Variants in MYLK4 observed in about 807,000 individuals in gnomAD.
MYLK4 encodes caMLCK like.
A neutral mutation model predicts 48.1 loss-of-function variants in MYLK4; 46 were observed. The ratio of observed to expected loss-of-function variants is 0.96; its 90% CI spans 0.75 to 1.22. The LOEUF is 1.22. Among genes scored for constraint, MYLK4 ranks in the 50% most tolerant of loss-of-function variants. MYLK4 has a pLI of 0.00. For missense variants in MYLK4, 451 were observed against 486.1 expected (o/e 0.93, Z 0.68); for synonymous variants, 170 against 180.8 (o/e 0.94, Z 0.48).
chr6:2,711,699 A>G (rs1762679450), intron 2 of MYLK4, among the ~76,000 whole-genome samples: 2 of 152,256 alleles, frequency 1.3e-5, no homozygotes, highest in Non-Finnish European at 2.9e-5. Context: ...TAAGAAGTGC[A>G]AAGATGTTTT....
chr6:2,749,036 C>A lies in MYLK4; in HGVS notation c.159+100G>T, dbSNP rs1440023693. 6 of 1,103,532 alleles carry A rather than the reference C, an allele frequency of 5.4e-6. No individual in the cohort carries two copies. In the Admixed American group the frequency reaches 6.6e-5, roughly 12 times the overall value. 68.4% of individuals were successfully genotyped at this position (1,103,532 alleles called of 1,614,324 possible). On this transcript the variant is annotated intron_variant, in intron 2 of 12. Transcript: ENST00000274643. ...GAAGCAAAGTGGAATGATGCCTATTCATAAACTTTCCTTAATTGTACTCAC... is the reference window on the plus strand; with the variant it reads ...GAAGCAAAGTGGAATGATGCCTATTAATAAACTTTCCTTAATTGTACTCAC...
upstream of MYLK4, among the ~76,000 whole-genome samples, chr6:2,752,067 G>A (rs1764304178): frequency 6.6e-6 from 1 of 152,148 alleles, no homozygotes; most frequent in Non-Finnish European, 1.5e-5. Context: ...GTGGGCTGCT[G>A]CTGATCCAAC....
At chr6:2,765,371 C>G in the MYLK4 span, 1 of 329,796 alleles carries the variant, frequency 3.0e-6, no homozygotes, top group Non-Finnish European at 5.2e-6. Context: ...GCCTCCGCCG[C>G]CGGGGCAAAC....
chr6:2,751,679 G>A (rs1764291047), upstream of MYLK4, among the ~76,000 whole-genome samples: 1 of 152,108 alleles, frequency 6.6e-6, no homozygotes, highest in Non-Finnish European at 1.5e-5. Context: ...TTTGGAGCCT[G>A]TGTTAGCCCC....
intron 2 of MYLK4, among the ~76,000 whole-genome samples, chr6:2,704,219 A>C (rs1582071133): frequency 1.3e-5 from 2 of 152,128 alleles, no homozygotes; most frequent in African/African-American, 4.8e-5. Flanking sequence ...CATCTCAACC[A>C]CCTGTATGAA....
rs576510069 is a variant in MYLK4, at chr6:2,677,668, C to T, written c.1040+552G>A. 3.3e-5 allele frequency among the ~76,000 whole-genome samples: 5 copies of T among 152,242 alleles called. No homozygotes were observed. In the East Asian group the frequency reaches 5.8e-4, roughly 18 times the overall value. ...AATAAATAACAGCCAAGTGTGCGGCCGTTGGGGAAGGAGAACTATCTGTTT... is the reference window on the plus strand; with the variant it reads ...AATAAATAACAGCCAAGTGTGCGGCTGTTGGGGAAGGAGAACTATCTGTTT... On this transcript the variant is annotated intron_variant, in intron 10 of 12. Coordinates refer to ENST00000274643, the MANE Select transcript of MYLK4 (RefSeq NM_001012418.5).
chr6:2,670,004 A>T (rs1760821609), intron 12 of MYLK4, among the ~76,000 whole-genome samples: 10 of 152,200 alleles, frequency 6.6e-5, no homozygotes, highest in Admixed American at 6.5e-4. Context: ...AAGGCAGCTT[A>T]CAATAATATG....
intron 12 of MYLK4, among the ~76,000 whole-genome samples, chr6:2,670,481 C>T (rs1760842554): frequency 6.6e-6 from 1 of 152,164 alleles, no homozygotes; most frequent in Admixed American, 6.5e-5. Context: ...GACTCCCCAC[C>T]CAAGATTAGG....
the MYLK4 span, chr6:2,766,456 CT>C: frequency 6.6e-7 from 1 of 1,515,124 alleles, no homozygotes; most frequent in South Asian, 1.2e-5. Context: ...TGAGTGCGGC[CT>C]TGGCCGTTGG....
intron 2 of MYLK4, among the ~76,000 whole-genome samples, chr6:2,714,289 G>A (rs1463085196): frequency 1.3e-5 from 2 of 152,164 alleles, no homozygotes; most frequent in South Asian, 2.1e-4. Context: ...CAATGGCAAC[G>A]TCCCAGAAGT....
chr6:2,765,990 T>C, the MYLK4 span: 1 of 1,383,768 alleles, frequency 7.2e-7, no homozygotes, highest in Non-Finnish European at 9.4e-7. Context: ...GCCCGCCTTA[T>C]CCCCGACTTC....
chr6:2,691,183 T>G (rs1014104645), intron 3 of MYLK4, among the ~76,000 whole-genome samples: 2 of 152,196 alleles, frequency 1.3e-5, no homozygotes, highest in African/African-American at 4.8e-5. Flanking sequence ...GTGGAAGAAT[T>G]GACCTAATTT....
At chr6:2,762,440 G>C in the MYLK4 span, among the ~76,000 whole-genome samples, 2 of 152,184 alleles carry the variant, frequency 1.3e-5, no homozygotes, top group African/African-American at 4.8e-5. Flanking sequence ...CTTATATTAA[G>C]AGATTCAAGA....
the MYLK4 span, among the ~76,000 whole-genome samples, chr6:2,767,506 C>A: frequency 6.6e-6 from 1 of 152,184 alleles, no homozygotes; most frequent in Non-Finnish European, 1.5e-5. Flanking sequence ...CTTTTTGTGC[C>A]TTCTTGTTTG....
chr6:2,764,000 C>G, the MYLK4 span, among the ~76,000 whole-genome samples: 1 of 152,150 alleles, frequency 6.6e-6, no homozygotes. Flanking sequence ...GGTGTGGTGG[C>G]GGACGCCCGT....
chr6:2,697,484 A>G (rs976977639), intron 2 of MYLK4, among the ~76,000 whole-genome samples: 23 of 152,232 alleles, frequency 1.5e-4, no homozygotes, highest in African/African-American at 5.1e-4. Flanking sequence ...GCAGGGCGGC[A>G]TCGGTCCACA....
chr6:2,749,748 G>C (rs1264957412), intron 1 of MYLK4, among the ~76,000 whole-genome samples: 1 of 152,164 alleles, frequency 6.6e-6, no homozygotes, highest in Non-Finnish European at 1.5e-5. Flanking sequence ...GGAACCGCAG[G>C]TTTTGCAGCC....
At chr6:2,717,025 G>A (rs1762888427) in intron 2 of MYLK4, among the ~76,000 whole-genome samples, 1 of 152,142 alleles carries the variant, frequency 6.6e-6, no homozygotes, top group Non-Finnish European at 1.5e-5. Flanking sequence ...GAGAAGTGGT[G>A]TTCTGCCAGG....
intron 12 of MYLK4, 57 bp downstream of exon 12, chr6:2,671,219 C>G: frequency 8.3e-7 from 1 of 1,210,238 alleles, no homozygotes; most frequent in Non-Finnish European, 1.2e-6. Context: ...CCATTTATTT[C>G]TTATTCCTAT....
Sources: allele counts gnomAD v4.1 joint callset (sites outside exome capture counted in the v4.1 genomes callset), GRCh38; gene constraint gnomAD v4.1.1; transcripts MANE v1.5; gene names NCBI Gene and HGNC (gene_info 2026-07-23, HGNC 2026-07-21).